CALN1: variants seen among roughly 807,000 people sequenced by gnomAD.
CALN1 encodes the protein calneuron 1.
Under a neutral mutation model 30.6 loss-of-function variants are expected in CALN1, and 17 were observed. That is an observed-to-expected ratio of 0.56 (90% confidence interval 0.38 to 0.83). The LOEUF is 0.83. Among genes scored for constraint, CALN1 ranks in the 40% least tolerant of loss-of-function variants. CALN1 has a pLI of 0.00. For synonymous variants in CALN1, 156 were observed against 131.4 expected (o/e 1.19, Z -1.28); for missense variants, 291 against 354.9 (o/e 0.82, Z 1.45).
Position 71,867,897 on chromosome 7 carries a change from T to C in CALN1, c.502-57405A>G, listed in dbSNP as rs113788777. Among the ~76,000 whole-genome samples the C allele has an allele frequency of 4.1e-3, 627 of 152,348 alleles. 5 individuals carry two copies. The highest frequency in any genetic ancestry group is 0.014 in the African/African-American group (589 of 41,596). On this transcript the variant is annotated intron_variant, in intron 5 of 6. Transcript: ENST00000395275. ...ACAGGTAGCTGAAGGCTTCTCTGAC[T>C]CAGTTCTTACTTATTTATGAGGACT...
intron 5 of CALN1, among the ~76,000 whole-genome samples, chr7:71,818,671 A>ATTTT (rs1192192622): frequency 6.5e-5 from 9 of 138,838 alleles, no homozygotes; most frequent in African/African-American, 2.4e-4. Flanking sequence ...TGACCAGCTT[A>ATTTT]TTTTATTTAT....
chr7:71,952,488 G>A (rs2129524214), intron 5 of CALN1, among the ~76,000 whole-genome samples: 1 of 152,302 alleles, frequency 6.6e-6, no homozygotes, highest in Non-Finnish European at 1.5e-5. Context: ...GGCCCACATA[G>A]GCTTGTCCCT....
At chr7:72,087,906 T>C (rs975516058) in intron 4 of CALN1, among the ~76,000 whole-genome samples, 4 of 152,328 alleles carry the variant, frequency 2.6e-5, no homozygotes, top group African/African-American at 4.8e-5. Flanking sequence ...TGCACGCCTG[T>C]AATCCCAGCA....
At chr7:72,180,450 G>A (rs976931876) in intron 3 of CALN1, among the ~76,000 whole-genome samples, 1 of 150,732 alleles carries the variant, frequency 6.6e-6, no homozygotes, top group Non-Finnish European at 1.5e-5. Context: ...CATTCTTGGT[G>A]GCAAACTGGT....
intron 3 of CALN1, among the ~76,000 whole-genome samples, chr7:72,272,469 G>A (rs760799159): frequency 1.4e-4 from 22 of 152,086 alleles, no homozygotes; most frequent in Admixed American, 3.3e-4. Context: ...GGCTAAAGCC[G>A]GAGAATCACT....
At chr7:72,054,484 T>TATATACAC (rs1554425513) in intron 4 of CALN1, among the ~76,000 whole-genome samples, 1 of 124,106 alleles carries the variant, frequency 8.1e-6, no homozygotes, top group Non-Finnish European at 1.5e-5. Context: ...TACATACATA[T>TATATACAC]ATATATACAT....
At position 71,800,229 on chromosome 7, in the gene CALN1, A is replaced by C. The variant is rs141225277; in HGVS notation, c.658+10107T>G. On this transcript the variant is annotated intron_variant, in intron 6 of 6. Transcript: ENST00000395275. ...GTTTCTGTATTTAAATATGACCATCATCATCCAGCCTTTTCATGGGATGGA... is the reference window on the plus strand; with the variant it reads ...GTTTCTGTATTTAAATATGACCATCCTCATCCAGCCTTTTCATGGGATGGA... Among the ~76,000 whole-genome samples the C allele has an allele frequency of 5.1e-3, 770 of 152,254 alleles. 6 individuals are homozygous for C. Among genetic ancestry groups the C allele is most frequent in the Admixed American group, 7.0e-3 (107 of 15,300 alleles).
intron 2 of CALN1, 122 bp from the exon 3 acceptor site, chr7:72,278,932 T>A: frequency 7.5e-7 from 1 of 1,334,330 alleles, no homozygotes; most frequent in Non-Finnish European, 1.0e-6. Flanking sequence ...GCAGTAATAT[T>A]TCTAGTGGGA....
At chr7:72,231,979 T>C (rs1028650422) in intron 3 of CALN1, among the ~76,000 whole-genome samples, 4 of 152,146 alleles carry the variant, frequency 2.6e-5, no homozygotes, top group African/African-American at 4.8e-5. Flanking sequence ...AGACAGTGCA[T>C]TGAGAAGGAG....
chr7:72,130,661 A>G (rs546119711), intron 3 of CALN1, among the ~76,000 whole-genome samples: 22 of 152,230 alleles, frequency 1.4e-4, no homozygotes, highest in African/African-American at 3.9e-4. Flanking sequence ...TGATGGTGAT[A>G]AGGAGGAGGA....
At chr7:72,467,191 T>C in the CALN1 span, among the ~76,000 whole-genome samples, 1 of 152,312 alleles carries the variant, frequency 6.6e-6, no homozygotes, top group East Asian at 1.9e-4. Flanking sequence ...CCGAGAGCTC[T>C]CAGGCCCTCT....
chr7:72,185,546 C>A (rs1287040979), intron 3 of CALN1, among the ~76,000 whole-genome samples: 1 of 152,148 alleles, frequency 6.6e-6, no homozygotes, highest in Non-Finnish European at 1.5e-5. Context: ...TGTCACCTTA[C>A]ATGACAAATG....
At chr7:71,999,225 A>T (rs1285716733) in intron 5 of CALN1, among the ~76,000 whole-genome samples, 1 of 152,244 alleles carries the variant, frequency 6.6e-6, no homozygotes, top group Non-Finnish European at 1.5e-5. Context: ...TCACTATTTA[A>T]TAGAAGCAAA....
At chr7:72,329,527 A>C (rs1801518574) in intron 2 of CALN1, among the ~76,000 whole-genome samples, 1 of 152,128 alleles carries the variant, frequency 6.6e-6, no homozygotes, top group Admixed American at 6.5e-5. Context: ...CTTCTCCTCT[A>C]ATGAACCCAG....
intron 3 of CALN1, among the ~76,000 whole-genome samples, chr7:72,226,979 T>C (rs1043840314): frequency 6.7e-6 from 1 of 148,204 alleles, no homozygotes; most frequent in African/African-American, 2.4e-5. Flanking sequence ...GAGACTGCAG[T>C]GAGCTGAGAT....
chr7:72,403,532 C>T (rs1165388279), intron 1 of CALN1, 90 bp from the exon 2 acceptor site: 7 of 545,788 alleles, frequency 1.3e-5, no homozygotes, highest in Non-Finnish European at 2.3e-5. Context: ...CACACCCTCC[C>T]TTCCGTGTTT....
rs142632583 is a variant in CALN1, at chr7:72,270,115, G to A, written c.244+8571C>T. 1.6e-3 allele frequency among the ~76,000 whole-genome samples: 239 copies of A among 151,304 alleles called. 3 individuals carry two copies. The highest frequency in any genetic ancestry group is 5.6e-3 in the African/African-American group (231 of 41,392). ...TCCGTGTGTGTGTGTGTGTATGTAT[G>A]TGTGTGTGTGTGTTGAGAGAGAGAA... On this transcript the variant is annotated intron_variant, in intron 3 of 6. Coordinates refer to ENST00000395275, the MANE Select transcript of CALN1 (RefSeq NM_031468.4).
At chr7:72,473,853 C>T in the CALN1 span, among the ~76,000 whole-genome samples, 1 of 150,662 alleles carries the variant, frequency 6.6e-6, no homozygotes, top group Non-Finnish European at 1.5e-5. Context: ...CGCTTGAACC[C>T]AGAAGGCGGA....
intron 3 of CALN1, among the ~76,000 whole-genome samples, chr7:72,203,405 G>A (rs1285206664): frequency 1.3e-5 from 2 of 152,070 alleles, no homozygotes; most frequent in Non-Finnish European, 2.9e-5. Context: ...TAGGTCATAG[G>A]TCATGCTATT....
Sources: gnomAD v4.1 joint callset for allele counts (sites outside exome capture counted in the v4.1 genomes callset) on GRCh38, gnomAD v4.1.1 for gene constraint, MANE v1.5 for transcripts, NCBI Gene and HGNC (gene_info 2026-07-23, HGNC 2026-07-21) for gene names.